POGZ: variants seen among roughly 807,000 people sequenced by gnomAD.
POGZ encodes pogo transposable element with ZNF domain.
POGZ carries 17 observed loss-of-function variants against 134.6 expected under a neutral mutation model. The ratio of observed to expected loss-of-function variants is 0.13; its 90% CI spans 0.09 to 0.19. The LOEUF (loss-of-function observed/expected upper bound fraction) is 0.19. Ranked by LOEUF, POGZ falls within the 10% of genes least tolerant of loss-of-function variation. The probability of loss-of-function intolerance (pLI) is 1.00; values close to 1 mark genes in which losing one functional copy is unlikely to be tolerated. For missense variants in POGZ, 1,306 were observed against 1,769.7 expected (o/e 0.74, Z 4.70); for synonymous variants, 693 against 657.1 (o/e 1.05, Z -0.84).
chr1:151,455,393 C>T (rs1181644270), intron 1 of POGZ, among the ~76,000 whole-genome samples: 1 of 152,198 alleles, frequency 6.6e-6, no homozygotes, highest in Non-Finnish European at 1.5e-5. Context: ...CTGCCTCTTC[C>T]ATCAACTTCA....
intron 3 of POGZ, among the ~76,000 whole-genome samples, chr1:151,435,034 G>C (rs1020610385): frequency 6.6e-6 from 1 of 151,890 alleles, no homozygotes; most frequent in African/African-American, 2.4e-5. Flanking sequence ...CAAGTAGCTA[G>C]GAATACAGAT....
chr1:151,459,129 A>G (rs1422728832), intron 1 of POGZ, 23 bp downstream of exon 1: 1 of 149,438 alleles, frequency 6.7e-6, no homozygotes, highest in East Asian at 2.0e-4. Flanking sequence ...GTGGGGAGAG[A>G]GAAGGCTCGC....
Position 151,404,940 on chromosome 1 carries a change from C to A in POGZ, c.4095G>T (p.Glu1365Asp), listed in dbSNP as rs35198305. 3.0e-3 allele frequency: 4,788 copies of A among 1,614,152 alleles called. 139 individuals are homozygous for A. In the African/African-American group the frequency reaches 0.057, roughly 19 times the overall value. Residue 1365 changes from glutamate (E) to aspartate (D), a missense_variant, in exon 19 of 19, where the codon GAG (glutamate) becomes GAT (aspartate). Glu to Asp is a conservative substitution (Grantham distance 45). Coordinates refer to ENST00000271715, the MANE Select transcript of POGZ (RefSeq NM_015100.4). ...ATGATCTGGGTCGTGGAGTGGAAGA[C>A]TCAGAATGTTCCCCACTCAGCTTCA... ...EQLKLSGEHSESSTPRPRSSP... is the reference protein window; with the variant it reads ...EQLKLSGEHSDSSTPRPRSSP...
chr1:151,423,280 G>A, intron 10 of POGZ, 117 bp downstream of exon 10: 1 of 828,114 alleles, frequency 1.2e-6, no homozygotes, highest in Non-Finnish European at 1.9e-6. Context: ...AATATGAAAA[G>A]TACTTCCTCT....
At chr1:151,451,334 TA>T (rs200862387) in intron 1 of POGZ, among the ~76,000 whole-genome samples, 165 of 144,438 alleles carry the variant, frequency 1.1e-3, no homozygotes, top group African/African-American at 4.0e-3. Context: ...TATTTTTTTT[TA>T]AATTTTTTGA....
rs151243063 is a variant in POGZ, at chr1:151,428,151, C to T, written c.831G>A (p.Gln277=). The change falls in exon 6 of 19, where the codon CAG becomes CAA. Residue 277 remains glutamine (Q), a synonymous_variant. Coordinates refer to ENST00000271715, the MANE Select transcript of POGZ (RefSeq NM_015100.4). The part of the protein sequence containing the change: ...LGQLAVQSPG[Q]SNQTTNPKLA... The stretch of plus-strand genomic sequence containing the variant: ...GCTTGGGATTCGTGGTCTGGTTTGA[C>T]TGGCCTGGAGACTGAACAGCTAGTT... 1 of 1,614,072 alleles carries T rather than the reference C, an allele frequency of 6.2e-7. No homozygotes were observed.
At chr1:151,415,121 T>C (rs147737652) in intron 10 of POGZ, among the ~76,000 whole-genome samples, 282 of 152,320 alleles carry the variant, frequency 1.9e-3, no homozygotes, top group African/African-American at 6.4e-3. Context: ...AACCTCATCA[T>C]GCCATGTATT....
At chr1:151,443,841 G>T (rs1660904722) in intron 1 of POGZ, among the ~76,000 whole-genome samples, 1 of 152,196 alleles carries the variant, frequency 6.6e-6, no homozygotes, top group African/African-American at 2.4e-5. Flanking sequence ...TGTTGGAACG[G>T]GAGTACTATT....
At position 151,428,052 on chromosome 1, in the gene POGZ, C is replaced by T; in HGVS notation, c.860-11G>A. Reference sequence around the variant, plus strand: ...AGGGGAAGGAGGGAGCTACGGTGACCAAGTGATAATCATCTGTTCTCCACC... The same window carrying T: ...AGGGGAAGGAGGGAGCTACGGTGACTAAGTGATAATCATCTGTTCTCCACC... On this transcript the variant is annotated splice_polypyrimidine_tract_variant and intron_variant, in intron 6 of 18. Transcript: ENST00000271715. 2 of 1,613,878 alleles carry T rather than the reference C, an allele frequency of 1.2e-6. No homozygotes were observed. The highest frequency in any genetic ancestry group is 1.7e-6 in the Non-Finnish European group (2 of 1,179,752).
At chr1:151,452,970 T>C (rs1347509734) in intron 1 of POGZ, among the ~76,000 whole-genome samples, 2 of 151,842 alleles carry the variant, frequency 1.3e-5, no homozygotes, top group African/African-American at 4.8e-5. Flanking sequence ...TCTCGCTCAG[T>C]TGCCCAGGCT....
At chr1:151,407,047 G>T (rs1557870221) in intron 16 of POGZ, 24 bp from the exon 17 acceptor site, 1 of 1,571,424 alleles carries the variant, frequency 6.4e-7, no homozygotes, top group Non-Finnish European at 8.8e-7. Flanking sequence ...TTGAGACTAT[G>T]TAAGACAAAC....
In POGZ at chr1:151,405,613, T is replaced by A; in HGVS notation, c.3422A>T (p.Asp1141Val). 6.2e-7 allele frequency: 1 copy of A among 1,614,188 alleles called. No homozygotes were observed. Among genetic ancestry groups the A allele is most frequent in the Non-Finnish European group, 8.5e-7 (1 of 1,180,040 alleles). ...FLDTEVLSSDDRKENALQTVG... is the reference protein window; with the variant it reads ...FLDTEVLSSDVRKENALQTVG... ...TGTCTGCAGGGCATTCTCCTTTCGA[T>A]CATCACTGCTCAGCACCTCTGTATC... The change falls in exon 19 of 19, where the codon GAT (aspartate) becomes GTT (valine). Residue 1141 changes from aspartate (D) to valine (V), a missense_variant. This residue lies in a region of POGZ where 161 missense variants were observed against 185.4 expected (regional missense o/e 0.87). Coordinates refer to ENST00000271715, the MANE Select transcript of POGZ (RefSeq NM_015100.4). The surrounding 1 kb of genome is among the most constrained non-coding windows in gnomAD (Gnocchi z 4.9).
intron 1 of POGZ, among the ~76,000 whole-genome samples, chr1:151,454,402 TTTATTTA>T: frequency 6.6e-6 from 1 of 152,198 alleles, no homozygotes. Context: ...GTAATAAGCT[TTTATTTA>T]TCCAGTCTTT....
intron 12 of POGZ, among the ~76,000 whole-genome samples, chr1:151,411,266 G>A (rs1383961642): frequency 2.6e-5 from 4 of 152,128 alleles, no homozygotes; most frequent in Admixed American, 2.0e-4. Flanking sequence ...TGTGCCTTGG[G>A]CACACTGTTC....
intron 10 of POGZ, among the ~76,000 whole-genome samples, chr1:151,418,077 G>A (rs1021148236): frequency 2.0e-5 from 3 of 152,022 alleles, no homozygotes; most frequent in Admixed American, 6.6e-5. Context: ...TTAGCCGGGC[G>A]TGGTGGCGTG....
rs1654717272 is a variant in POGZ at position 151,411,771 on chromosome 1, C to A, written c.1780G>T (p.Val594Leu). The A allele has an allele frequency of 1.2e-6, 2 of 1,609,816 alleles. No homozygotes were observed. The highest frequency in any genetic ancestry group is 1.7e-6 in the Non-Finnish European group (2 of 1,178,416). Reference sequence around the variant, plus strand: ...TAGAGTGAGGAGCGATATTGACACACCTGAGTCACATAGGAGGGAAAATAA... The same window carrying A: ...TAGAGTGAGGAGCGATATTGACACAACTGAGTCACATAGGAGGGAAAATAA... The part of the protein sequence containing the change: ...KPGEMPYVCQ[V>L]CQYRSSLYSE... The change falls in exon 12 of 19, where the codon GTG (valine) becomes TTG (leucine). Residue 594 changes from valine to leucine, a missense_variant and splice_region_variant. This residue lies in a region of POGZ where 149 missense variants were observed against 237.5 expected (regional missense o/e 0.63). Transcript: ENST00000271715.
chr1:151,452,139 C>T (rs914028385), intron 1 of POGZ, among the ~76,000 whole-genome samples: 1 of 148,242 alleles, frequency 6.7e-6, no homozygotes, highest in African/African-American at 2.5e-5. Context: ...GTTGGCCGGG[C>T]ATGGTGGCAG....
chr1:151,423,514 G>C lies in POGZ; in HGVS notation c.1561C>G (p.Gln521Glu), dbSNP rs1355848077. The change falls in exon 10 of 19, where the codon CAG becomes GAG. Residue 521 changes from glutamine (Q) to glutamate (E), a missense_variant. By Grantham distance (29) the Gln-to-Glu change is conservative. Transcript: ENST00000271715. ...NHMKHHVELD[Q>E]QNGEVDGHTI... ...TGACCATCTACCTCACCGTTCTGCT[G>C]ATCGAGTTCTACGTGGTGTTTCATA... 2 of 1,613,644 alleles carry C rather than the reference G, an allele frequency of 1.2e-6. No homozygotes were observed. Among genetic ancestry groups the C allele is most frequent in the African/African-American group, 2.7e-5 (2 of 74,912 alleles).
chr1:151,452,239 G>A (rs1662205638), intron 1 of POGZ, among the ~76,000 whole-genome samples: 1 of 151,726 alleles, frequency 6.6e-6, no homozygotes, highest in Admixed American at 6.7e-5. Flanking sequence ...AAACAGAAAG[G>A]ATAATCATAT....
Sources: gnomAD v4.1 joint callset for allele counts (sites outside exome capture counted in the v4.1 genomes callset) on GRCh38, gnomAD v4.1.1 for gene constraint, gnomAD v4.1.1 regional missense constraint, Gnocchi (gnomAD v3.1) non-coding constraint, MANE v1.5 for transcripts, NCBI Gene and HGNC (gene_info 2026-07-23, HGNC 2026-07-21) for gene names.